EPRS1: variants seen among roughly 807,000 people sequenced by gnomAD.
EPRS1 encodes bifunctional glutamate/proline--tRNA ligase.
Under a neutral mutation model 188.3 loss-of-function variants are expected in EPRS1, and 107 were observed. The ratio of observed to expected loss-of-function variants is 0.57; its 90% CI spans 0.49 to 0.67. The LOEUF (loss-of-function observed/expected upper bound fraction) is 0.67, where lower values mean the gene tolerates loss of function less well. Ranked by LOEUF, EPRS1 falls within the 30% of genes least tolerant of loss-of-function variation. EPRS1 has a pLI of 0.00. For missense variants in EPRS1, 1,577 were observed against 1,802.2 expected, an observed-to-expected ratio of 0.88 and a Z score of 2.26; for synonymous variants, 596 against 593.1, an observed-to-expected ratio of 1.00 and a Z score of -0.07.
chr1:220,027,102 C>T (rs948660307), intron 6 of EPRS1, among the ~76,000 whole-genome samples: 1 of 150,068 alleles, frequency 6.7e-6, no homozygotes, highest in Non-Finnish European at 1.5e-5. Context: ...CCAGCCTGGC[C>T]AACATGGTGA....
intron 16 of EPRS1, among the ~76,000 whole-genome samples, chr1:220,002,628 G>A (rs1032538918): frequency 5.3e-5 from 8 of 152,132 alleles, no homozygotes; most frequent in Admixed American, 4.6e-4. Flanking sequence ...GGGGGGCCAT[G>A]GCAGGTGGAT....
intron 18 of EPRS1, among the ~76,000 whole-genome samples, chr1:219,994,135 C>T (rs1277481521): frequency 6.6e-6 from 1 of 152,208 alleles, no homozygotes; most frequent in East Asian, 1.9e-4. Context: ...GATCCCCAGC[C>T]GAAGCCACTG....
At chr1:220,041,388 T>C (rs1662291282) in intron 1 of EPRS1, among the ~76,000 whole-genome samples, 1 of 151,994 alleles carries the variant, frequency 6.6e-6, no homozygotes, top group Non-Finnish European at 1.5e-5. Context: ...AAAGTAACGC[T>C]TAAAGGAGTT....
At chr1:220,025,538 T>C (rs2577160) in intron 6 of EPRS1, among the ~76,000 whole-genome samples, 121,885 of 151,952 alleles carry the variant, frequency 0.8, 49,051 homozygotes, top group East Asian at 0.93. Flanking sequence ...CTTAAGGAGA[T>C]TCTCCTTTTT....
Position 220,022,409 on chromosome 1 carries a change from C to T in EPRS1, c.1053G>A (p.Met351Ile). Residue 351 changes from methionine to isoleucine, a missense_variant, in exon 9 of 32, where the codon ATG becomes ATA. By Grantham distance (10) the Met-to-Ile change is conservative (BLOSUM62 1). Coordinates refer to ENST00000366923, the MANE Select transcript of EPRS1 (RefSeq NM_004446.3). Reference sequence around the variant, plus strand: ...TGCAGCGATAAAGGGTTGGATCTCTCATGCATCCATTGTTACTACTCATGT... The same window carrying T: ...TGCAGCGATAAAGGGTTGGATCTCTTATGCATCCATTGTTACTACTCATGT... ...KIDMSSNNGCMRDPTLYRCKI... is the reference protein window; with the variant it reads ...KIDMSSNNGCIRDPTLYRCKI... 1 of 1,614,116 alleles carries T rather than the reference C, an allele frequency of 6.2e-7. No individual in the cohort carries two copies. Among genetic ancestry groups the T allele is most frequent in the African/African-American group, 1.3e-5 (1 of 75,050 alleles).
At position 219,979,178 on chromosome 1, in the gene EPRS1, T is replaced by C. The variant is rs564806979; in HGVS notation, c.3909+240A>G. Among the ~76,000 whole-genome samples, 7 of 152,306 alleles carry C rather than the reference T, an allele frequency of 4.6e-5. No individual in the cohort carries two copies. In the South Asian group the frequency reaches 1.2e-3, roughly 27 times the overall value. ...CTCATTTAACATACTATAAACCGTT[T>C]TTAAAAAATGACTTCTAAAAATGTT... is the stretch of plus-strand genomic sequence containing the variant. On this transcript the variant is annotated intron_variant, in intron 27 of 31. Coordinates refer to ENST00000366923, the MANE Select transcript of EPRS1 (RefSeq NM_004446.3).
At chr1:219,980,297 T>C in intron 25 of EPRS1, 57 bp from the exon 26 acceptor site, 1 of 1,323,646 alleles carries the variant, frequency 7.6e-7, no homozygotes, top group South Asian at 1.3e-5. Context: ...TTCATTAAGA[T>C]CTATAAAACT....
At chr1:219,994,050 G>C (rs10779393) in intron 18 of EPRS1, among the ~76,000 whole-genome samples, 23,673 of 152,034 alleles carry the variant, frequency 0.16, 3,197 homozygotes, top group African/African-American at 0.35. Context: ...AAAATATACG[G>C]AGTACAGCAG....
intron 16 of EPRS1, 149 bp downstream of exon 16, chr1:220,005,099 G>C (rs1333933417): frequency 5.0e-6 from 2 of 397,580 alleles, no homozygotes; most frequent in Non-Finnish European, 4.4e-6. Flanking sequence ...TAAATTACTT[G>C]TCTAAAATGT....
chr1:220,031,295 G>T (rs1662078920), intron 5 of EPRS1, among the ~76,000 whole-genome samples: 1 of 152,118 alleles, frequency 6.6e-6, no homozygotes, highest in Non-Finnish European at 1.5e-5. Flanking sequence ...AGGCAATGAG[G>T]AGTCAGTCCT....
chr1:220,020,053 G>A lies in EPRS1; in HGVS notation c.1284C>T (p.Leu428=), dbSNP rs749828079. The A allele has an allele frequency of 6.2e-7, 1 of 1,614,044 alleles. No homozygotes were observed. Among genetic ancestry groups the A allele is most frequent in the Non-Finnish European group, 8.5e-7 (1 of 1,179,964 alleles). ...TTCTTTTGGATAGCACTGTGTTGTT[G>A]AGATTTAGCCGACTATATTCCCAAA... The part of the protein sequence containing the change: ...PYIWEYSRLN[L]NNTVLSKRKL... The change falls in exon 10 of 32, where the codon CTC becomes CTT. Residue 428 remains leucine, a synonymous_variant. Coordinates refer to ENST00000366923, the MANE Select transcript of EPRS1 (RefSeq NM_004446.3).
chr1:219,979,686 G>T, intron 26 of EPRS1, 71 bp from the exon 27 acceptor site: 2 of 1,033,096 alleles, frequency 1.9e-6, no homozygotes, highest in Non-Finnish European at 2.9e-6. Flanking sequence ...ATTACTATAA[G>T]ATCACATGCT....
chr1:219,998,464 G>A (rs909447662), intron 17 of EPRS1, among the ~76,000 whole-genome samples: 17 of 151,676 alleles, frequency 1.1e-4, no homozygotes, highest in Admixed American at 1.1e-3. Context: ...ACACTAATAT[G>A]CATATATAAA....
intron 11 of EPRS1, 145 bp downstream of exon 11, chr1:220,018,850 T>TAA (rs34320023): frequency 6.7e-5 from 24 of 357,486 alleles, no homozygotes; most frequent in Non-Finnish European, 9.5e-5. Context: ...AAGTTTGTTT[T>TAA]AAAAAAAAAA....
chr1:220,040,399 A>G (rs1662269529), intron 1 of EPRS1, 130 bp from the exon 2 acceptor site: 1 of 593,768 alleles, frequency 1.7e-6, no homozygotes, highest in Non-Finnish European at 3.0e-6. Flanking sequence ...TTTTCTCAGT[A>G]GTCTGTAGAC....
intron 9 of EPRS1, among the ~76,000 whole-genome samples, chr1:220,020,806 T>A (rs540882307): frequency 7.3e-6 from 1 of 136,694 alleles, no homozygotes; most frequent in Admixed American, 7.4e-5. Flanking sequence ...ACAATTTACA[T>A]GCAGTATCAA....
At chr1:220,017,480 A>T (rs1478486702) in intron 12 of EPRS1, among the ~76,000 whole-genome samples, 1 of 152,250 alleles carries the variant, frequency 6.6e-6, no homozygotes, top group African/African-American at 2.4e-5. Flanking sequence ...ACTCATATTT[A>T]TTATTAGTAA....
At chr1:220,021,355 GTTT>G (rs925393058) in intron 9 of EPRS1, among the ~76,000 whole-genome samples, 4 of 147,128 alleles carry the variant, frequency 2.7e-5, no homozygotes, top group Admixed American at 6.8e-5. Flanking sequence ...TACCTGGCTA[GTTT>G]TTTTTTTTAA....
At chr1:220,019,335 A>C (rs1203756296) in intron 10 of EPRS1, among the ~76,000 whole-genome samples, 2 of 152,190 alleles carry the variant, frequency 1.3e-5, no homozygotes, top group Non-Finnish European at 2.9e-5. Flanking sequence ...AAAAGACACA[A>C]TGGTGACATT....
Sources: allele counts gnomAD v4.1 joint callset (sites outside exome capture counted in the v4.1 genomes callset), GRCh38; gene constraint gnomAD v4.1.1; transcripts MANE v1.5; gene names NCBI Gene and HGNC (gene_info 2026-07-23, HGNC 2026-07-21).